OTOG: variants seen among roughly 807,000 people sequenced by gnomAD.
OTOG encodes otogelin.
OTOG carries 296 observed loss-of-function variants against 313.8 expected under a neutral mutation model. The observed-to-expected ratio is 0.94, with a 90% confidence interval of 0.86 to 1.04. OTOG has a LOEUF of 1.04. Ranked by LOEUF, OTOG falls within the 50% of genes least tolerant of loss-of-function variation. OTOG has a pLI of 0.00. For missense variants in OTOG, 3,948 were observed against 3,840.1 expected (o/e 1.03, Z -0.74); for synonymous variants, 1,533 against 1,554.9 (o/e 0.99, Z 0.33).
In OTOG at chr11:17,593,320, G is replaced by A; in HGVS notation, c.3134G>A (p.Gly1045Glu). 1.3e-6 allele frequency: 2 copies of A among 1,550,568 alleles called. No homozygotes were observed. The highest frequency in any genetic ancestry group is 1.7e-6 in the Non-Finnish European group (2 of 1,146,980). Residue 1045 changes from glycine (G) to glutamate (E), a missense_variant, in exon 26 of 56, where the codon GGA becomes GAA. By Grantham distance (98) the Gly-to-Glu change is moderately conservative. Coordinates refer to ENST00000399397, the MANE Select transcript of OTOG (RefSeq NM_001292063.2). ...NSLIVFDDDSGNPSPESFLDD... is the reference protein window; with the variant it reads ...NSLIVFDDDSENPSPESFLDD... ...CTCATTGTCTTTGATGATGACTCCG[G>A]AAATCCTGTAAGGCTCAGTGCCTGT...
Position 17,629,247 on chromosome 11 carries a change from C to T in OTOG, c.6643C>T (p.Leu2215Phe). The change falls in exon 40 of 56, where the codon CTC becomes TTC. Residue 2215 changes from leucine (L) to phenylalanine (F), a missense_variant. Physicochemically the swap from Leu to Phe is conservative, Grantham distance 22. Transcript: ENST00000399397. ...TCCCTCAGACATCCAGATCCAGTGGCTCCACAGCTCAGGACTCATGATCGT... is the reference window on the plus strand; with the variant it reads ...TCCCTCAGACATCCAGATCCAGTGGTTCCACAGCTCAGGACTCATGATCGT... ...LTPSDIQIQW[L>F]HSSGLMIVEA... 1 of 1,550,612 alleles carries T rather than the reference C, an allele frequency of 6.4e-7. No individual in the cohort carries two copies. The highest frequency in any genetic ancestry group is 8.7e-7 in the Non-Finnish European group (1 of 1,147,000).
At chr11:17,606,924 A>G (rs1315113135) in intron 33 of OTOG, among the ~76,000 whole-genome samples, 1 of 152,222 alleles carries the variant, frequency 6.6e-6, no homozygotes, top group African/African-American at 2.4e-5. Flanking sequence ...ATCACTGGCC[A>G]TGATGACAAG....
rs1026850514 is a variant in OTOG, at chr11:17,573,106, G to A, written c.2109G>A (p.Val703=). The A allele has an allele frequency of 1.3e-6, 2 of 1,548,162 alleles. No individual in the cohort carries two copies. The highest frequency in any genetic ancestry group is 1.4e-5 in the African/African-American group (1 of 73,042). Residue 703 remains valine (V), a synonymous_variant, in exon 19 of 56, where the codon GTG becomes GTA. Transcript: ENST00000399397. ...CCTACTCAGTGCAGGCCTGCAGCGTGCTCACGGGGGAGATGTTTGCGCCCT... is the reference window on the plus strand; with the variant it reads ...CCTACTCAGTGCAGGCCTGCAGCGTACTCACGGGGGAGATGTTTGCGCCCT... ...AASYSVQACS[V]LTGEMFAPCS...
intron 24 of OTOG, among the ~76,000 whole-genome samples, chr11:17,588,408 G>C (rs1852854674): frequency 6.6e-6 from 1 of 152,140 alleles, no homozygotes; most frequent in Non-Finnish European, 1.5e-5. Context: ...CCAGCTCTGT[G>C]TTCCGTGTCA....
chr11:17,614,427 T>A (rs1853674855), intron 39 of OTOG, among the ~76,000 whole-genome samples: 1 of 152,184 alleles, frequency 6.6e-6, no homozygotes, highest in South Asian at 2.1e-4. Context: ...GTTTATAAAA[T>A]TTTTCCATTA....
At chr11:17,549,295 C>A (rs1851882340) in intron 3 of OTOG, among the ~76,000 whole-genome samples, 1 of 152,178 alleles carries the variant, frequency 6.6e-6, no homozygotes, top group Non-Finnish European at 1.5e-5. Context: ...CTCTGGGGAG[C>A]CCCTTGAGCC....
At chr11:17,589,041 C>A (rs187219358) in intron 24 of OTOG, among the ~76,000 whole-genome samples, 1 of 152,138 alleles carries the variant, frequency 6.6e-6, no homozygotes, top group Non-Finnish European at 1.5e-5. Flanking sequence ...TGAGTTTAGC[C>A]CCACTTCTGT....
At chr11:17,630,091 A>C (rs981490919) in intron 40 of OTOG, among the ~76,000 whole-genome samples, 3 of 152,156 alleles carry the variant, frequency 2.0e-5, no homozygotes, top group African/African-American at 7.2e-5. Flanking sequence ...CACATGCACT[A>C]ACACATGCAG....
At chr11:17,555,234 T>TGA (rs1554968055) in intron 6 of OTOG, among the ~76,000 whole-genome samples, 1 of 151,450 alleles carries the variant, frequency 6.6e-6, no homozygotes, top group Admixed American at 6.6e-5. Context: ...TGTGTGTGTG[T>TGA]GACAGCAGCA....
At chr11:17,569,362 TA>T in intron 16 of OTOG, 74 bp downstream of exon 16, 1 of 1,527,744 alleles carries the variant, frequency 6.5e-7, no homozygotes, top group Non-Finnish European at 8.9e-7. Flanking sequence ...ATCCTCTGGC[TA>T]AAAGCACTGC....
chr11:17,640,782 G>A lies in OTOG; in HGVS notation c.7973G>A (p.Ser2658Asn), dbSNP rs1429561385. ...CAGCTGGATGAGGAGTTCATGCACA[G>A]CGTGGAGAATGTGTGTGGCTGCGCC... is the stretch of plus-strand genomic sequence containing the variant. ...KSQLDEEFMH[S>N]VENVCGCAKY... The change falls in exon 50 of 56, where the codon AGC (serine) becomes AAC (asparagine). Residue 2658 changes from serine (S) to asparagine (N), a missense_variant. Transcript: ENST00000399397. 6.5e-7 allele frequency: 1 copy of A among 1,550,304 alleles called. No homozygotes were observed. Among genetic ancestry groups the A allele is most frequent in the African/African-American group, 1.4e-5 (1 of 73,196 alleles).
In OTOG at chr11:17,573,144, T is replaced by C; in HGVS notation, c.2147T>C (p.Leu716Pro). 1 of 1,546,162 alleles carries C rather than the reference T, an allele frequency of 6.5e-7. No homozygotes were observed. Among genetic ancestry groups the C allele is most frequent in the South Asian group, 1.2e-5 (1 of 84,056 alleles). Reference sequence around the variant, plus strand: ...ATGTTTGCGCCCTGCTCTGCGTTCCTGAGCCCCGTGCCCTACTTTGAGCAG... The same window carrying C: ...ATGTTTGCGCCCTGCTCTGCGTTCCCGAGCCCCGTGCCCTACTTTGAGCAG... Reference protein sequence around the residue: ...GEMFAPCSAFLSPVPYFEQCR... With the variant: ...GEMFAPCSAFPSPVPYFEQCR... The change falls in exon 19 of 56, where the codon CTG (leucine) becomes CCG (proline). Residue 716 changes from leucine to proline, a missense_variant. Coordinates refer to ENST00000399397, the MANE Select transcript of OTOG (RefSeq NM_001292063.2).
chr11:17,598,430 A>G (rs1458881952), intron 30 of OTOG, among the ~76,000 whole-genome samples: 1 of 152,116 alleles, frequency 6.6e-6, no homozygotes, highest in Non-Finnish European at 1.5e-5. Context: ...TATCATGGAT[A>G]TTTTTGCATT....
intron 10 of OTOG, 50 bp downstream of exon 10, chr11:17,558,694 G>C: frequency 6.6e-7 from 1 of 1,504,998 alleles, no homozygotes; most frequent in Non-Finnish European, 9.0e-7. Flanking sequence ...ATTGGGGTGA[G>C]TGCTCAGCAC....
chr11:17,562,717 C>T (rs1565093921), intron 15 of OTOG, among the ~76,000 whole-genome samples: 1 of 152,190 alleles, frequency 6.6e-6, no homozygotes, highest in Non-Finnish European at 1.5e-5. Context: ...AAAAAAAAAT[C>T]TCTAAAATTG....
At chr11:17,618,006 T>C (rs956995829) in intron 39 of OTOG, among the ~76,000 whole-genome samples, 6 of 151,890 alleles carry the variant, frequency 4.0e-5, no homozygotes, top group South Asian at 2.1e-4. Context: ...TCTGCCTCCC[T>C]GGTTCACACC....
rs1392200975 is a variant in OTOG at position 17,561,908 on chromosome 11, C to T, written c.1644+101C>T. ...GGACAGGGCTCAGGTCTTCCCATGG[C>T]CCCCACCTGCTGCCTCTTCTCTCTG... is the stretch of plus-strand genomic sequence containing the variant. On this transcript the variant is annotated intron_variant, in intron 15 of 55. Coordinates refer to ENST00000399397, the MANE Select transcript of OTOG (RefSeq NM_001292063.2). 17 of 1,383,554 alleles carry T rather than the reference C, an allele frequency of 1.2e-5. No homozygotes were observed. In the South Asian group the frequency reaches 1.6e-4, roughly 13 times the overall value. The allele number at this position is 1,383,554 out of a possible 1,614,324, so 85.7% of individuals were successfully genotyped here. A position where few individuals can be genotyped will look rare whatever the true frequency, so the allele number is the denominator to read the frequency against.
intron 18 of OTOG, among the ~76,000 whole-genome samples, chr11:17,572,600 C>T (rs1235747329): frequency 6.6e-6 from 1 of 152,204 alleles, no homozygotes; most frequent in Non-Finnish European, 1.5e-5. Context: ...CCTCTCCAGG[C>T]CTTTGCACTT....
In OTOG at chr11:17,612,755, G is replaced by T. The variant is rs1309130983; in HGVS notation, c.6428G>T (p.Ser2143Ile). The change falls in exon 38 of 56, where the codon AGT (serine) becomes ATT (isoleucine). Residue 2143 changes from serine (S) to isoleucine (I), a missense_variant. Physicochemically the swap from Ser to Ile is moderately radical, Grantham distance 142. Transcript: ENST00000399397. The part of the protein sequence containing the change: ...MLTVHVLDCK[S>I]ANLGHLNWPP... ...ACCGTCCATGTACTGGACTGCAAAA[G>T]TGCCAACCTGGTGCCTGCCCCATAC... 4 of 1,550,414 alleles carry T rather than the reference G, an allele frequency of 2.6e-6. No homozygotes were observed. Among genetic ancestry groups the T allele is most frequent in the Non-Finnish European group, 3.5e-6 (4 of 1,146,896 alleles).
Sources: gnomAD v4.1 joint callset for allele counts (sites outside exome capture counted in the v4.1 genomes callset) on GRCh38, gnomAD v4.1.1 for gene constraint, MANE v1.5 for transcripts, NCBI Gene and HGNC (gene_info 2026-07-23, HGNC 2026-07-21) for gene names.